The following ROBO2 variants were observed in gnomAD, a reference collection of about 807,000 sequenced individuals.
ROBO2 encodes roundabout guidance receptor 2.
Under a neutral mutation model 160.8 loss-of-function variants are expected in ROBO2, and 53 were observed. The ratio of observed to expected loss-of-function variants is 0.33; its 90% CI spans 0.26 to 0.41. The LOEUF (loss-of-function observed/expected upper bound fraction) is 0.41, where lower values mean the gene tolerates loss of function less well. Ranked by LOEUF, ROBO2 falls within the 10% of genes least tolerant of loss-of-function variation. The pLI, the probability that ROBO2 is intolerant of heterozygous loss-of-function variation, is 1.00. For missense variants in ROBO2, 1,577 were observed against 1,722.4 expected, an observed-to-expected ratio of 0.92 and a Z score of 1.49; for synonymous variants, 664 against 611.7, an observed-to-expected ratio of 1.09 and a Z score of -1.26.
chr3:77,222,035 T>C (rs2085886844), intron 2 of ROBO2, among the ~76,000 whole-genome samples: 3 of 151,838 alleles, frequency 2.0e-5, no homozygotes, highest in South Asian at 2.1e-4. Flanking sequence ...GCGTTTTTAG[T>C]AGAGATGGAG....
At chr3:76,354,222 A>G (rs1025451581) in intron 2 of ROBO2, among the ~76,000 whole-genome samples, 16 of 152,056 alleles carry the variant, frequency 1.1e-4, no homozygotes, top group African/African-American at 3.9e-4. Flanking sequence ...TATGCTTTTA[A>G]ATGTTTTGAA....
intron 20 of ROBO2, chr3:77,602,849 T>C: frequency 2.1e-6 from 1 of 467,600 alleles, no homozygotes; most frequent in Non-Finnish European, 4.3e-6. Context: ...CATCTGCTTC[T>C]GAGTTGCTAA....
rs2076471621 is a variant in ROBO2 at position 76,918,604 on chromosome 3, T to C, written c.110-179410T>C. ...ACAGTAATGCTTTGTTAATATGATT[T>C]CTTGATTGATCATGAGTTTTTTTGG... is the stretch of plus-strand genomic sequence containing the variant. On this transcript the variant is annotated intron_variant, in intron 2 of 26. Coordinates refer to the ROBO2 transcript ENST00000487694. 2.0e-5 allele frequency among the ~76,000 whole-genome samples: 3 copies of C among 152,234 alleles called. 1 individual carries two copies. In the South Asian group the frequency reaches 6.2e-4, roughly 31 times the overall value.
intron 1 of ROBO2, among the ~76,000 whole-genome samples, chr3:77,082,299 CT>C (rs1355931881): frequency 6.6e-6 from 1 of 152,132 alleles, no homozygotes; most frequent in African/African-American, 2.4e-5. Flanking sequence ...TGTTTTGACA[CT>C]TCAGTTTTCA....
intron 2 of ROBO2, chr3:76,434,396 G>A: frequency 6.4e-7 from 1 of 1,559,994 alleles, no homozygotes; most frequent in African/African-American, 1.4e-5. Flanking sequence ...CCTGTCAGCT[G>A]TCAACGAAAG....
intron 1 of ROBO2, among the ~76,000 whole-genome samples, chr3:75,935,816 A>C (rs1947751715): frequency 1.3e-5 from 2 of 152,116 alleles, no homozygotes; most frequent in African/African-American, 4.8e-5. Flanking sequence ...ATTCCTGCTT[A>C]GTGTTTACTT....
chr3:76,422,900 G>A (rs1416574105), intron 2 of ROBO2, among the ~76,000 whole-genome samples: 1 of 152,086 alleles, frequency 6.6e-6, no homozygotes, highest in East Asian at 1.9e-4. Flanking sequence ...AGATTTCTTT[G>A]TAATCCAAAG....
intron 2 of ROBO2, among the ~76,000 whole-genome samples, chr3:77,302,377 G>A (rs1412066851): frequency 6.7e-6 from 1 of 148,400 alleles, no homozygotes; most frequent in African/African-American, 2.5e-5. Context: ...CTTAATGCAA[G>A]TTTAGTATTC....
At chr3:77,089,473 G>T (rs115370451) in intron 1 of ROBO2, among the ~76,000 whole-genome samples, 1 of 152,134 alleles carries the variant, frequency 6.6e-6, no homozygotes, top group Non-Finnish European at 1.5e-5. Flanking sequence ...ATCCTTATCA[G>T]TTCCCTTTCA....
At chr3:76,157,172 C>T (rs1306978687) in intron 2 of ROBO2, among the ~76,000 whole-genome samples, 1 of 152,154 alleles carries the variant, frequency 6.6e-6, no homozygotes, top group Non-Finnish European at 1.5e-5. Flanking sequence ...CTCAGCTTAT[C>T]AGTAAGGTAT....
At chr3:77,614,739 AACCAAC>A (rs1559731395) in intron 21 of ROBO2, among the ~76,000 whole-genome samples, 26 of 151,826 alleles carry the variant, frequency 1.7e-4, no homozygotes, top group African/African-American at 5.3e-4. Flanking sequence ...CCAACCAACC[AACCAAC>A]CAACCAACCA....
chr3:77,434,458 T>A (rs2079090267), intron 2 of ROBO2, among the ~76,000 whole-genome samples: 1 of 152,158 alleles, frequency 6.6e-6, no homozygotes, highest in Non-Finnish European at 1.5e-5. Flanking sequence ...TGTTTCCATC[T>A]CCTAACACAA....
chr3:76,471,480 C>T (rs766397805), intron 2 of ROBO2, among the ~76,000 whole-genome samples: 1 of 152,066 alleles, frequency 6.6e-6, no homozygotes, highest in African/African-American at 2.4e-5. Context: ...GACATGAAGG[C>T]TGTTCTGTAT....
chr3:76,814,173 G>A (rs956592072), intron 2 of ROBO2, among the ~76,000 whole-genome samples: 21 of 152,116 alleles, frequency 1.4e-4, no homozygotes, highest in Admixed American at 3.9e-4. Context: ...GCTGATGACA[G>A]CGCAAATACA....
chr3:76,980,968 C>T (rs1188546834), intron 2 of ROBO2, among the ~76,000 whole-genome samples: 2 of 152,112 alleles, frequency 1.3e-5, no homozygotes, highest in Non-Finnish European at 2.9e-5. Context: ...GATTCTTTCA[C>T]TTAGCATAAT....
Position 76,321,312 on chromosome 3 carries a change from C to T in ROBO2, c.109+383710C>T, listed in dbSNP as rs531894900. Reference sequence around the variant, plus strand: ...TGGGCGGATCACGAGGTCAAGAGATCGAGACCATCCTGGTCAACATGGTGA... The same window carrying T: ...TGGGCGGATCACGAGGTCAAGAGATTGAGACCATCCTGGTCAACATGGTGA... On this transcript the variant is annotated intron_variant, in intron 2 of 26. Coordinates refer to the ROBO2 transcript ENST00000487694. Among the ~76,000 whole-genome samples the T allele has an allele frequency of 2.8e-4, 43 of 152,160 alleles. 1 individual carries two copies. Among genetic ancestry groups the T allele is most frequent in the African/African-American group, 1.0e-3 (43 of 41,522 alleles).
intron 2 of ROBO2, among the ~76,000 whole-genome samples, chr3:77,339,251 G>A (rs185116358): frequency 6.6e-6 from 1 of 152,104 alleles, no homozygotes; most frequent in East Asian, 1.9e-4. Flanking sequence ...AGAGTTAGAA[G>A]TTATTTGCAC....
chr3:77,375,624 A>G (rs1446003757), intron 2 of ROBO2, among the ~76,000 whole-genome samples: 1 of 152,208 alleles, frequency 6.6e-6, no homozygotes, highest in African/African-American at 2.4e-5. Context: ...GAAACATACT[A>G]GGGTTCAAGT....
At position 77,303,161 on chromosome 3, in the gene ROBO2, C is replaced by T. The variant is rs118182245; in HGVS notation, c.389-174253C>T. ...TTCTGGGCATGTGGGTATAACCGCA[C>T]CTCCATGCCATGTTCTTTCTATATT... On this transcript the variant is annotated intron_variant, in intron 2 of 25. Transcript: ENST00000461745. 7.0e-4 allele frequency among the ~76,000 whole-genome samples: 107 copies of T among 152,252 alleles called. 1 individual carries two copies. In the East Asian group the frequency reaches 0.017, roughly 24 times the overall value.
Sources: allele counts gnomAD v4.1 joint callset (sites outside exome capture counted in the v4.1 genomes callset), GRCh38; gene constraint gnomAD v4.1.1; transcripts MANE v1.5; gene names NCBI Gene and HGNC (gene_info 2026-07-23, HGNC 2026-07-21).